The following PCDHAC1 variants were observed in gnomAD, a reference collection of about 807,000 sequenced individuals.
PCDHAC1 encodes protocadherin alpha subfamily C, 1, also known as protocadherin alpha-C1.
In PCDHAC1, 42 loss-of-function variants were observed where a neutral mutation model predicts 60.0. That is an observed-to-expected ratio of 0.70 (90% CI 0.55 to 0.90). PCDHAC1 has a LOEUF of 0.90. Among genes scored for constraint, PCDHAC1 ranks in the 40% least tolerant of loss-of-function variants. The probability of loss-of-function intolerance (pLI) is 0.00; values close to 1 mark genes in which losing one functional copy is unlikely to be tolerated. For synonymous variants in PCDHAC1, 468 were observed against 499.3 expected (o/e 0.94, Z 0.84); for missense variants, 1,160 against 1,222.3 (o/e 0.95, Z 0.76).
chr5:140,952,028 T>C (rs2094677235), intron 1 of PCDHAC1, among the ~76,000 whole-genome samples: 1 of 152,164 alleles, frequency 6.6e-6, no homozygotes, highest in Non-Finnish European at 1.5e-5. Flanking sequence ...AAGTCCGAAA[T>C]CCAGTAGGGC....
Position 140,932,248 on chromosome 5 carries a change from T to C in PCDHAC1, c.2433+2923T>C, listed in dbSNP as rs1424091954. Among the ~76,000 whole-genome samples the C allele has an allele frequency of 2.6e-5, 4 of 152,016 alleles. No individual in the cohort carries two copies. In the East Asian group the frequency reaches 7.7e-4, roughly 29 times the overall value. On this transcript the variant is annotated intron_variant, in intron 1 of 3. Coordinates refer to ENST00000253807, the MANE Select transcript of PCDHAC1 (RefSeq NM_018898.5). ...TTTTTTAGAATGGTATCTAAGAGGG[T>C]ACCTCTGAGATATAAATTTCTACTT... is the stretch of plus-strand genomic sequence containing the variant.
chr5:141,004,869 A>T (rs908726845), intron 3 of PCDHAC1, among the ~76,000 whole-genome samples: 3 of 152,218 alleles, frequency 2.0e-5, no homozygotes, highest in Non-Finnish European at 2.9e-5. Flanking sequence ...TTTGTTTCTC[A>T]TCCCTAAAGT....
intron 3 of PCDHAC1, among the ~76,000 whole-genome samples, chr5:141,002,682 G>T (rs536105955): frequency 6.6e-6 from 1 of 152,140 alleles, no homozygotes; most frequent in Non-Finnish European, 1.5e-5. Flanking sequence ...CCTATACGAC[G>T]TGCAGATTTG....
rs142317713 is a variant in PCDHAC1 at position 140,927,076 on chromosome 5, C to T, written c.184C>T (p.Arg62Cys). Reference protein sequence around the residue: ...SRNFRFLSSHRELYFGVDLPS... With the variant: ...SRNFRFLSSHCELYFGVDLPS... ...GAACTTTCGCTTCCTTTCCAGCCAC[C>T]GCGAGCTCTACTTCGGGGTGGATCT... Residue 62 changes from arginine to cysteine, a missense_variant, in exon 1 of 4, where the codon CGC (arginine) becomes TGC (cysteine). Arg to Cys is a radical substitution (Grantham distance 180). This residue lies in a region of PCDHAC1 where 1,113 missense variants were observed against 1,163.7 expected (regional missense o/e 0.96). Transcript: ENST00000253807. 4.3e-6 allele frequency: 7 copies of T among 1,611,008 alleles called. No individual in the cohort carries two copies. Among genetic ancestry groups the T allele is most frequent in the Non-Finnish European group, 5.1e-6 (6 of 1,177,776 alleles).
At position 140,990,539 on chromosome 5, in the gene PCDHAC1, A is replaced by G. The variant is rs2097398985; in HGVS notation, c.2581+7976A>G. ...TGTCTTTTTTGACTGTGCATCATAG[A>G]TACTGTATTACCCAAGAACACACAC... is the stretch of plus-strand genomic sequence containing the variant. On this transcript the variant is annotated intron_variant, in intron 3 of 3. Transcript: ENST00000253807. Among the ~76,000 whole-genome samples the G allele has an allele frequency of 2.6e-5, 4 of 152,262 alleles. No homozygotes were observed. In the South Asian group the frequency reaches 6.2e-4, roughly 24 times the overall value.
intron 1 of PCDHAC1, chr5:140,967,530 C>T: frequency 6.2e-7 from 1 of 1,613,178 alleles, no homozygotes; most frequent in Non-Finnish European, 8.5e-7. Flanking sequence ...GACAACTCTC[C>T]TGCCTTTGAC....
At position 141,011,014 on chromosome 5, in the gene PCDHAC1, C is replaced by T. The variant is rs2098419102; in HGVS notation, c.*1077C>T. On this transcript the variant is annotated 3_prime_UTR_variant, in exon 4 of 4. Coordinates refer to ENST00000253807, the MANE Select transcript of PCDHAC1 (RefSeq NM_018898.5). ...CATCTGTATTATATCGGCCACCTGC[C>T]AATCACAGCTTTACTCTTTCAGGTC... 6.5e-6 allele frequency: 1 copy of T among 153,758 alleles called. No individual in the cohort carries two copies. Among genetic ancestry groups the T allele is most frequent in the Admixed American group, 6.5e-5 (1 of 15,286 alleles). 9.5% of individuals were successfully genotyped at this position (153,758 alleles called of 1,614,324 possible).
Position 140,978,933 on chromosome 5 carries a change from CTT to C in PCDHAC1, c.2434-14_2434-13del, listed in dbSNP as rs1179085898. On this transcript the variant is annotated splice_polypyrimidine_tract_variant and intron_variant, in intron 1 of 3. Coordinates refer to ENST00000253807, the MANE Select transcript of PCDHAC1 (RefSeq NM_018898.5). The stretch of plus-strand genomic sequence containing the variant: ...TCTTGTCATTTTAACAGAAAACTCT[CTT>C]TGTGATTTTGCAGCCACGACAGCCC... 1.2e-6 allele frequency: 2 copies of C among 1,613,976 alleles called. No individual in the cohort carries two copies. The highest frequency in any genetic ancestry group is 2.7e-5 in the African/African-American group (2 of 74,920).
intron 1 of PCDHAC1, among the ~76,000 whole-genome samples, chr5:140,945,224 T>G (rs1563213002): frequency 6.6e-6 from 1 of 152,016 alleles, no homozygotes; most frequent in Admixed American, 6.6e-5. Flanking sequence ...ATAAAAATAC[T>G]TAGGAATAAA....
chr5:140,942,701 G>T (rs2093357342), intron 1 of PCDHAC1, among the ~76,000 whole-genome samples: 1 of 152,080 alleles, frequency 6.6e-6, no homozygotes, highest in Non-Finnish European at 1.5e-5. Flanking sequence ...TGAGAAATAT[G>T]AAGTAAAAGT....
At chr5:140,972,275 G>A (rs548735122) in intron 1 of PCDHAC1, among the ~76,000 whole-genome samples, 1 of 150,974 alleles carries the variant, frequency 6.6e-6, no homozygotes, top group African/African-American at 2.4e-5. Flanking sequence ...GAGTAGCTTG[G>A]ACCATAGATG....
chr5:140,947,872 T>C (rs2094186307), intron 1 of PCDHAC1, among the ~76,000 whole-genome samples: 1 of 151,588 alleles, frequency 6.6e-6, no homozygotes, highest in Admixed American at 6.6e-5. Context: ...GGCTAGGACT[T>C]CCAGGACAAT....
At chr5:140,996,622 G>C (rs2097735162) in intron 3 of PCDHAC1, among the ~76,000 whole-genome samples, 1 of 152,156 alleles carries the variant, frequency 6.6e-6, no homozygotes, top group African/African-American at 2.4e-5. Context: ...AATTTCACTG[G>C]TTCCTGCAAA....
chr5:140,930,044 A>G (rs1416118719), intron 1 of PCDHAC1: 1 of 152,194 alleles, frequency 6.6e-6, no homozygotes, highest in African/African-American at 2.4e-5. Context: ...ACTGCTTTGG[A>G]GTTTTTGCTT....
intron 3 of PCDHAC1, among the ~76,000 whole-genome samples, chr5:140,999,452 G>A (rs141442204): frequency 6.4e-4 from 97 of 152,234 alleles, no homozygotes; most frequent in African/African-American, 2.1e-3. Flanking sequence ...TTCGTTCAAC[G>A]AATAAGTGGT....
chr5:140,971,692 C>T (rs2096492766), intron 1 of PCDHAC1, among the ~76,000 whole-genome samples: 1 of 152,116 alleles, frequency 6.6e-6, no homozygotes, highest in South Asian at 2.1e-4. Context: ...TTTGTACTCA[C>T]TAACCACCCT....
chr5:140,935,894 C>CTTT lies in PCDHAC1; in HGVS notation c.2433+6583_2433+6585dup, dbSNP rs55841305. Among the ~76,000 whole-genome samples, 1,154 of 136,734 alleles carry CTTT rather than the reference C, an allele frequency of 8.4e-3. 14 individuals carry two copies. Among genetic ancestry groups the CTTT allele is most frequent in the East Asian group, 0.025 (118 of 4,726 alleles). 89.7% of individuals were successfully genotyped at this position (136,734 alleles called of 152,430 possible). On this transcript the variant is annotated intron_variant, in intron 1 of 3. Coordinates refer to ENST00000253807, the MANE Select transcript of PCDHAC1 (RefSeq NM_018898.5). ...ATGAGCTCCAATTTATCAATATTAT[C>CTTT]TTTTTTTTTTTTTTTTGAGACAGAT...
intron 1 of PCDHAC1, among the ~76,000 whole-genome samples, chr5:140,944,665 A>G (rs782357699): frequency 1.1e-4 from 17 of 152,138 alleles, no homozygotes; most frequent in Non-Finnish European, 2.5e-4. Flanking sequence ...CCCCTTATTT[A>G]TCTATTCTGT....
At chr5:140,943,529 A>T (rs1291911076) in intron 1 of PCDHAC1, among the ~76,000 whole-genome samples, 1 of 152,220 alleles carries the variant, frequency 6.6e-6, no homozygotes, top group Non-Finnish European at 1.5e-5. Context: ...TCAGTATGCA[A>T]AATGTCATGT....
Sources: allele counts gnomAD v4.1 joint callset (sites outside exome capture counted in the v4.1 genomes callset), GRCh38; gene constraint gnomAD v4.1.1; regional missense constraint gnomAD v4.1.1; transcripts MANE v1.5; gene names NCBI Gene and HGNC (gene_info 2026-07-23, HGNC 2026-07-21).